Variants in CEP112 observed in about 807,000 individuals in gnomAD.
CEP112 encodes centrosomal protein of 112 kDa.
A neutral mutation model predicts 153.0 loss-of-function variants in CEP112; 127 were observed. The ratio of observed to expected loss-of-function variants is 0.83; its 90% CI spans 0.72 to 0.96. The LOEUF is 0.96. CEP112 is among the 40% of genes least tolerant of loss of function. The pLI is 0.00. For synonymous variants in CEP112, 358 were observed against 374.4 expected, an observed-to-expected ratio of 0.96 and a Z score of 0.51; for missense variants, 1,089 against 1,101.2, an observed-to-expected ratio of 0.99 and a Z score of 0.16.
At chr17:66,110,419 T>C (rs1020514198) in intron 6 of CEP112, among the ~76,000 whole-genome samples, 3 of 151,038 alleles carry the variant, frequency 2.0e-5, no homozygotes, top group African/African-American at 4.9e-5. Flanking sequence ...CAACTGGAAA[T>C]TGGCAGAAAG....
intron 20 of CEP112, among the ~76,000 whole-genome samples, chr17:65,865,368 A>G (rs1384705267): frequency 6.6e-6 from 1 of 152,162 alleles, no homozygotes; most frequent in Admixed American, 6.5e-5. Flanking sequence ...GTTGGTGTGC[A>G]TGGCTCGTAT....
At chr17:65,971,637 G>A (rs12941882) in intron 17 of CEP112, among the ~76,000 whole-genome samples, 72,895 of 151,792 alleles carry the variant, frequency 0.48, 18,468 homozygotes, top group East Asian at 0.89. Context: ...TGCATATTGC[G>A]TTATATTGCA....
At chr17:65,841,558 T>G (rs1211903033) in intron 21 of CEP112, among the ~76,000 whole-genome samples, 1 of 151,996 alleles carries the variant, frequency 6.6e-6, no homozygotes, top group Non-Finnish European at 1.5e-5. Flanking sequence ...CAGTTAAACG[T>G]AAGGAAGAAG....
chr17:65,781,763 G>A (rs566800104), intron 21 of CEP112, among the ~76,000 whole-genome samples: 11 of 152,138 alleles, frequency 7.2e-5, no homozygotes, highest in East Asian at 5.8e-4. Context: ...AAAGAACTCC[G>A]TATTCAAAAA....
chr17:65,661,503 A>G (rs1306409717), intron 24 of CEP112, among the ~76,000 whole-genome samples: 1 of 152,140 alleles, frequency 6.6e-6, no homozygotes, highest in Admixed American at 6.5e-5. Flanking sequence ...GGACCTGTAC[A>G]AGGTCTTCCT....
At chr17:66,015,550 A>G (rs993279858) in intron 16 of CEP112, among the ~76,000 whole-genome samples, 2 of 152,208 alleles carry the variant, frequency 1.3e-5, no homozygotes, top group African/African-American at 4.8e-5. Context: ...AATTGTAGGT[A>G]TAAGATTCTT....
intron 21 of CEP112, among the ~76,000 whole-genome samples, chr17:65,760,493 A>T (rs1418478738): frequency 1.3e-5 from 2 of 151,798 alleles, no homozygotes; most frequent in Non-Finnish European, 2.9e-5. Context: ...TTATCAAATG[A>T]TTTTTCTGCA....
chr17:66,118,656 G>A (rs1418106154), intron 6 of CEP112, among the ~76,000 whole-genome samples: 1 of 151,904 alleles, frequency 6.6e-6, no homozygotes, highest in Non-Finnish European at 1.5e-5. Context: ...TCAGTAGCAT[G>A]GTAGGGTAAC....
At chr17:66,130,539 G>T (rs901805409) in intron 5 of CEP112, among the ~76,000 whole-genome samples, 1 of 151,984 alleles carries the variant, frequency 6.6e-6, no homozygotes, top group Non-Finnish European at 1.5e-5. Context: ...ACTTTGGGAG[G>T]CCGAGGCGGG....
chr17:66,129,497 A>G (rs2070026302), intron 6 of CEP112, among the ~76,000 whole-genome samples: 2 of 152,102 alleles, frequency 1.3e-5, no homozygotes, highest in African/African-American at 2.4e-5. Flanking sequence ...ATTTATTATT[A>G]TTTAACTATT....
chr17:65,846,630 G>A (rs1598762789), intron 21 of CEP112, among the ~76,000 whole-genome samples: 1 of 152,148 alleles, frequency 6.6e-6, no homozygotes, highest in Non-Finnish European at 1.5e-5. Context: ...GCACAGTGGC[G>A]CAATCTCGGC....
intron 18 of CEP112, among the ~76,000 whole-genome samples, chr17:65,935,991 T>C (rs1001616531): frequency 6.6e-6 from 1 of 151,570 alleles, no homozygotes; most frequent in South Asian, 2.1e-4. Context: ...AAAATAAAAT[T>C]TACTAAACAT....
At chr17:66,021,075 G>T (rs1376653693) in intron 16 of CEP112, among the ~76,000 whole-genome samples, 1 of 152,074 alleles carries the variant, frequency 6.6e-6, no homozygotes, top group Admixed American at 6.6e-5. Context: ...CTAGGCCATG[G>T]GGAACACCCT....
At chr17:65,777,117 G>T (rs149057177) in intron 21 of CEP112, among the ~76,000 whole-genome samples, 4 of 152,266 alleles carry the variant, frequency 2.6e-5, no homozygotes, top group Non-Finnish European at 5.9e-5. Context: ...GTAAATGGAG[G>T]CACTGTGTGG....
intron 17 of CEP112, among the ~76,000 whole-genome samples, chr17:65,976,735 C>CTTTTTTTTTT (rs771108755): frequency 4.6e-4 from 39 of 85,342 alleles, no homozygotes; most frequent in Non-Finnish European, 7.1e-4. Context: ...ATAACTTTTT[C>CTTTTTTTTTT]TTTTTTTTTT....
At chr17:66,104,618 T>C (rs2068702801) in intron 6 of CEP112, among the ~76,000 whole-genome samples, 2 of 152,072 alleles carry the variant, frequency 1.3e-5, no homozygotes, top group Non-Finnish European at 2.9e-5. Context: ...AAGGGAACAT[T>C]GTCTTTCACC....
rs773791859 is a variant in CEP112 at position 65,961,478 on chromosome 17, A to T, written c.1857T>A (p.Ala619=). The change falls in exon 18 of 27, where the codon GCT becomes GCA. Residue 619 remains alanine (A), a synonymous_variant. Coordinates refer to ENST00000535342, the MANE Select transcript of CEP112 (RefSeq NM_001199165.4). The stretch of plus-strand genomic sequence containing the variant: ...GCCTCCTTACCTGCTCTTTCATTTC[A>T]GCATAGACTTTCTCTGAGTTCAGTT... ...QVELNSEKVY[A]EMKEQMEKVE... 17 of 1,608,428 alleles carry T rather than the reference A, an allele frequency of 1.1e-5. No individual in the cohort carries two copies. Among genetic ancestry groups the T allele is most frequent in the Non-Finnish European group, 1.4e-5 (16 of 1,175,686 alleles).
intron 20 of CEP112, among the ~76,000 whole-genome samples, chr17:65,900,710 A>G (rs895187825): frequency 6.6e-6 from 1 of 152,186 alleles, no homozygotes; most frequent in African/African-American, 2.4e-5. Flanking sequence ...GTTTAACATC[A>G]TATTTGAAAG....
At chr17:65,917,024 G>A (rs1249839868) in intron 19 of CEP112, among the ~76,000 whole-genome samples, 2 of 152,292 alleles carry the variant, frequency 1.3e-5, no homozygotes, top group Non-Finnish European at 2.9e-5. Context: ...CTGGACACAG[G>A]GGCCCAGGCT....
Sources: allele counts gnomAD v4.1 joint callset (sites outside exome capture counted in the v4.1 genomes callset), GRCh38; gene constraint gnomAD v4.1.1; transcripts MANE v1.5; gene names NCBI Gene and HGNC (gene_info 2026-07-23, HGNC 2026-07-21).